CERS2: variants seen among roughly 807,000 people sequenced by gnomAD.
The protein encoded by CERS2 is LAG1 homolog, ceramide synthase 2.
A neutral mutation model predicts 56.6 loss-of-function variants in CERS2; 20 were observed. That is an observed-to-expected ratio of 0.35 (90% CI 0.25 to 0.51). The LOEUF is 0.51. Among genes scored for constraint, CERS2 ranks in the 20% least tolerant of loss-of-function variants. The probability of loss-of-function intolerance (pLI) is 0.96; values close to 1 mark genes in which losing one functional copy is unlikely to be tolerated. For synonymous variants in CERS2, 187 were observed against 175.4 expected (o/e 1.07, Z -0.52); for missense variants, 361 against 488.6 (o/e 0.74, Z 2.46).
At chr1:150,970,621 G>A (rs991419647) in intron 1 of CERS2, among the ~76,000 whole-genome samples, 1 of 152,040 alleles carries the variant, frequency 6.6e-6, no homozygotes, top group Non-Finnish European at 1.5e-5. Flanking sequence ...TCAGCCTCCC[G>A]AGTGCCTGGG....
chr1:150,971,693 G>C (rs11579289), intron 1 of CERS2, among the ~76,000 whole-genome samples: 13,762 of 152,194 alleles, frequency 0.09, 674 homozygotes, highest in East Asian at 0.18. Context: ...TTTTTTCCTA[G>C]AGAAAAGTTG....
intron 6 of CERS2, 67 bp downstream of exon 6, chr1:150,967,597 T>C (rs1186341291): frequency 1.3e-6 from 2 of 1,498,584 alleles, no homozygotes; most frequent in South Asian, 1.1e-5. Flanking sequence ...TGCCATGGAT[T>C]CCACAAACCG....
chr1:150,966,544 G>T lies in CERS2; in HGVS notation c.934C>A (p.Leu312Ile). ...GCCCAGAAGATATGCAGCAGCTGTA[G>T]AACTCCCATCATGGAATTGAAGAAG... Reference protein sequence around the residue: ...YYFFNSMMGVLQLLHIFWAYL... With the variant: ...YYFFNSMMGVIQLLHIFWAYL... Residue 312 changes from leucine to isoleucine, a missense_variant, in exon 10 of 11, where the codon CTA becomes ATA. Physicochemically the swap from Leu to Ile is conservative, Grantham distance 5 (BLOSUM62 2). This residue lies in a region of CERS2 where 122 missense variants were observed against 151.9 expected (regional missense o/e 0.80). Coordinates refer to ENST00000368954, the MANE Select transcript of CERS2 (RefSeq NM_022075.5). 6.2e-7 allele frequency: 1 copy of T among 1,614,102 alleles called. No individual in the cohort carries two copies. Among genetic ancestry groups the T allele is most frequent in the Non-Finnish European group, 8.5e-7 (1 of 1,180,010 alleles).
rs1430419135 is a variant in CERS2, at chr1:150,967,126, C to T, written c.689G>A (p.Arg230Gln). ...ISFSWFANYI[R>Q]AGTLIMALHD... ...CAGAGCCATGATTAGAGTCCCAGCT[C>T]GGATGTAATTGGCAAACCAGGAAAA... The change falls in exon 8 of 11, where the codon CGA becomes CAA. Residue 230 changes from arginine (R) to glutamine (Q), a missense_variant. Around this residue, in one of 3 missense-constraint regions of CERS2, gnomAD observed 236 missense variants for 309.2 expected, o/e 0.76. Coordinates refer to ENST00000368954, the MANE Select transcript of CERS2 (RefSeq NM_022075.5). The T allele has an allele frequency of 2.5e-6, 4 of 1,613,868 alleles. No individual in the cohort carries two copies. The highest frequency in any genetic ancestry group is 3.4e-6 in the Non-Finnish European group (4 of 1,179,894).
At chr1:150,972,666 T>C (rs1426337347) in intron 1 of CERS2, among the ~76,000 whole-genome samples, 1 of 152,166 alleles carries the variant, frequency 6.6e-6, no homozygotes, top group Non-Finnish European at 1.5e-5. Context: ...TGAAGAGACA[T>C]GGTATCTGTC....
chr1:150,966,529 T>C lies in CERS2; in HGVS notation c.949A>G (p.Ile317Val), dbSNP rs1671021960. 2.5e-6 allele frequency: 4 copies of C among 1,614,086 alleles called. No homozygotes were observed. In the East Asian group the frequency reaches 6.7e-5, roughly 27 times the overall value. ...CGCAAAATGAGGTAGGCCCAGAAGA[T>C]ATGCAGCAGCTGTAGAACTCCCATC... ...SMMGVLQLLHIFWAYLILRMA... is the reference protein window; with the variant it reads ...SMMGVLQLLHVFWAYLILRMA... The change falls in exon 10 of 11, where the codon ATC (isoleucine) becomes GTC (valine). Residue 317 changes from isoleucine to valine, a missense_variant. Coordinates refer to ENST00000368954, the MANE Select transcript of CERS2 (RefSeq NM_022075.5).
At chr1:150,970,686 A>G (rs905848936) in intron 1 of CERS2, among the ~76,000 whole-genome samples, 1 of 151,800 alleles carries the variant, frequency 6.6e-6, no homozygotes, top group African/African-American at 2.4e-5. Context: ...CTAATTTTTG[A>G]ATTTTTTTTT....
chr1:150,968,534 G>A, intron 2 of CERS2, 22 bp from the exon 3 acceptor site: 1 of 1,557,202 alleles, frequency 6.4e-7, no homozygotes, highest in Non-Finnish European at 8.9e-7. Context: ...ATATGAGTAA[G>A]GTATCTAGCT....
intron 10 of CERS2, 75 bp from the exon 11 acceptor site, chr1:150,966,363 G>C: frequency 6.3e-7 from 1 of 1,595,160 alleles, no homozygotes; most frequent in Non-Finnish European, 8.6e-7. Context: ...CTGAGGGCTT[G>C]TTCCTGTTAT....
chr1:150,968,516 G>A lies in CERS2; in HGVS notation c.174-4C>T. On this transcript the variant is annotated splice_polypyrimidine_tract_variant and splice_region_variant and intron_variant, in intron 2 of 10. Coordinates refer to ENST00000368954, the MANE Select transcript of CERS2 (RefSeq NM_022075.5). ...AGCCAGTGGTGTAGCCACGTACCTG[G>A]GGAAGGGATATGAGTAAGGTATCTA... is the stretch of plus-strand genomic sequence containing the variant. 6.2e-7 allele frequency: 1 copy of A among 1,606,994 alleles called. No homozygotes were observed. The highest frequency in any genetic ancestry group is 2.2e-5 in the East Asian group (1 of 44,852).
Position 150,965,425 on chromosome 1 carries a change from C to G in CERS2, c.*723G>C, listed in dbSNP as rs1240237240. The G allele has an allele frequency of 6.6e-6, 1 of 152,532 alleles. No homozygotes were observed. Among genetic ancestry groups the G allele is most frequent in the Non-Finnish European group, 1.5e-5 (1 of 68,024 alleles). The allele number at this position is 152,532 out of a possible 1,614,324, so 9.4% of individuals were successfully genotyped here. On this transcript the variant is annotated 3_prime_UTR_variant, in exon 11 of 11. Transcript: ENST00000368954. ...AATAAATAAAAATTAGAATTAGTTG[C>G]CATTCTACTCCAAACCAGCTAGCCT...
rs969519210 is a variant in CERS2, at chr1:150,968,382, A to T, written c.291+13T>A. The T allele has an allele frequency of 1.9e-6, 3 of 1,600,154 alleles. No homozygotes were observed. The highest frequency in any genetic ancestry group is 2.6e-6 in the Non-Finnish European group (3 of 1,167,196). On this transcript the variant is annotated intron_variant, in intron 3 of 10. Coordinates refer to ENST00000368954, the MANE Select transcript of CERS2 (RefSeq NM_022075.5). The stretch of plus-strand genomic sequence containing the variant: ...CAGTGATTCCCAGAGCCAGAGCAGC[A>T]TGCGGCTCATACCTGCTTGGGCTGC...
rs372038919 is a variant in CERS2, at chr1:150,968,970, T to G, written c.121A>C (p.Ile41Leu). Residue 41 changes from isoleucine to leucine, a missense_variant, in exon 2 of 11, where the codon ATC becomes CTC. Ile to Leu is a conservative substitution (Grantham distance 5). Around this residue, in one of 3 missense-constraint regions of CERS2, gnomAD observed 236 missense variants for 309.2 expected, o/e 0.76. Transcript: ENST00000368954. ...RVYAKASDLY[I>L]TLPLALLFLI... ...AAGAGCAAGGCCAGGGGCAGCGTGA[T>G]ATAGAGATCTGAGGCTTTGGCGTAG... 13 of 1,613,842 alleles carry G rather than the reference T, an allele frequency of 8.1e-6. No individual in the cohort carries two copies. In the East Asian group the frequency reaches 2.5e-4, roughly 30 times the overall value.
chr1:150,968,206 G>T lies in CERS2; in HGVS notation c.292-5C>A. 6.2e-7 allele frequency: 1 copy of T among 1,608,200 alleles called. No individual in the cohort carries two copies. On this transcript the variant is annotated splice_polypyrimidine_tract_variant and splice_region_variant and intron_variant, in intron 3 of 10. Coordinates refer to ENST00000368954, the MANE Select transcript of CERS2 (RefSeq NM_022075.5). ...GGACAAAAGCTCTACTTCCACCTGG[G>T]CACAGTGAAGAAGCCCATTGTTATG...
chr1:150,971,588 GAATA>G (rs1389120029), intron 1 of CERS2, among the ~76,000 whole-genome samples: 2 of 151,512 alleles, frequency 1.3e-5, no homozygotes, highest in Non-Finnish European at 2.9e-5. Context: ...ACCTCAGCCA[GAATA>G]AATATTTAAT....
At chr1:150,966,359 G>A (rs1447084724) in intron 10 of CERS2, 71 bp from the exon 11 acceptor site, 2 of 1,596,044 alleles carry the variant, frequency 1.3e-6, no homozygotes, top group East Asian at 2.2e-5. Flanking sequence ...CTCTCTGAGG[G>A]CTTGTTCCTG....
intron 1 of CERS2, among the ~76,000 whole-genome samples, chr1:150,971,431 T>C (rs757170507): frequency 3.2e-4 from 49 of 151,922 alleles, no homozygotes; most frequent in Non-Finnish European, 6.3e-4. Flanking sequence ...TCAAGGACTT[T>C]ACCCCCTTGT....
At chr1:150,966,896 T>TCGAG in intron 8 of CERS2, 34 bp from the exon 9 acceptor site, 1 of 1,524,884 alleles carries the variant, frequency 6.6e-7, no homozygotes, top group Non-Finnish European at 9.1e-7. Context: ...CATCATGGGC[T>TCGAG]CCTGACTCCC....
Position 150,966,244 on chromosome 1 carries a change from T to C in CERS2, c.1047A>G (p.Ser349=). The part of the protein sequence containing the change: ...ERSDREETES[S]EGEEAAAGGG... Reference sequence around the variant, plus strand: ...CCCCAGCTGCAGCCTCCTCCCCCTCTGAGCTCTCTGTTTCTTCCCGGTCAC... The same window carrying C: ...CCCCAGCTGCAGCCTCCTCCCCCTCCGAGCTCTCTGTTTCTTCCCGGTCAC... The change falls in exon 11 of 11, where the codon TCA becomes TCG. Residue 349 remains serine, a synonymous_variant. Transcript: ENST00000368954. 6.2e-7 allele frequency: 1 copy of C among 1,610,372 alleles called. No individual in the cohort carries two copies. Among genetic ancestry groups the C allele is most frequent in the Middle Eastern group, 1.7e-4 (1 of 6,038 alleles).
Sources: allele counts gnomAD v4.1 joint callset (sites outside exome capture counted in the v4.1 genomes callset), GRCh38; gene constraint gnomAD v4.1.1; regional missense constraint gnomAD v4.1.1; transcripts MANE v1.5; gene names NCBI Gene and HGNC (gene_info 2026-07-23, HGNC 2026-07-21).